The following ZEB2 variants were observed in gnomAD, a reference collection of about 807,000 sequenced individuals.
ZEB2 encodes zinc finger E-box binding homeobox 2, also known as zinc finger E-box-binding homeobox 2.
Under a neutral mutation model 99.9 loss-of-function variants are expected in ZEB2, and 6 were observed. That is an observed-to-expected ratio of 0.06 (90% confidence interval 0.03 to 0.12). The LOEUF (loss-of-function observed/expected upper bound fraction) is 0.12, where lower values mean the gene tolerates loss of function less well. Ranked by LOEUF, ZEB2 falls within the 10% of genes least tolerant of loss-of-function variation. The pLI is 1.00. For synonymous variants in ZEB2, 517 were observed against 542.5 expected (o/e 0.95, Z 0.65); for missense variants, 969 against 1,502.8 (o/e 0.64, Z 5.87).
intron 2 of ZEB2, 143 bp downstream of exon 2, chr2:144,517,135 G>C: frequency 1.2e-6 from 1 of 862,172 alleles, no homozygotes; most frequent in Non-Finnish European, 1.6e-6. Context: ...GGGCTCCGGC[G>C]CCGGCCGCGG....
chr2:144,444,280 C>T (rs987432811), intron 2 of ZEB2, among the ~76,000 whole-genome samples: 1 of 152,130 alleles, frequency 6.6e-6, no homozygotes, highest in African/African-American at 2.4e-5. Flanking sequence ...AAATCTGAGG[C>T]CCTTTAGAAT....
At position 144,465,990 on chromosome 2, in the gene ZEB2, G is replaced by C. The variant is rs376863411; in HGVS notation, c.74-35964C>G. Among the ~76,000 whole-genome samples the C allele has an allele frequency of 2.4e-4, 37 of 152,240 alleles. No homozygotes were observed. In the South Asian group the frequency reaches 7.7e-3, roughly 32 times the overall value. On this transcript the variant is annotated intron_variant, in intron 2 of 9. Transcript: ENST00000627532. ...CTGACAGCACTAACTCTCCAGGGCAGAACTTTCCAGTCAAGTGGATCAACG... is the reference window on the plus strand; with the variant it reads ...CTGACAGCACTAACTCTCCAGGGCACAACTTTCCAGTCAAGTGGATCAACG...
At chr2:144,437,807 G>T (rs1048843148) in intron 2 of ZEB2, among the ~76,000 whole-genome samples, 2 of 152,030 alleles carry the variant, frequency 1.3e-5, no homozygotes, top group Non-Finnish European at 2.9e-5. Context: ...CTCTGAAAAG[G>T]TTACACAACT....
At position 144,395,055 on chromosome 2, in the gene ZEB2, G is replaced by A. The variant is rs943666908; in HGVS notation, c.3067+1357C>T. Among the ~76,000 whole-genome samples the A allele has an allele frequency of 1.4e-4, 21 of 148,102 alleles. No homozygotes were observed. The South Asian group carries it at 4.3e-3, about 31-fold the overall frequency. ...CTGTTGCTCAGGCTGAGGTGCAGTG[G>A]CACAATCATGGCTCACTGCAGCATC... On this transcript the variant is annotated intron_variant, in intron 9 of 9. Transcript: ENST00000627532.
intron 4 of ZEB2, among the ~76,000 whole-genome samples, chr2:144,419,330 G>T (rs762600062): frequency 3.9e-4 from 59 of 152,226 alleles, no homozygotes; most frequent in Non-Finnish European, 8.4e-4. Context: ...ATTAAGAACT[G>T]ATGCCTAAAT....
chr2:144,477,931 G>A (rs911231360), intron 2 of ZEB2, among the ~76,000 whole-genome samples: 15 of 152,106 alleles, frequency 9.9e-5, no homozygotes, highest in Admixed American at 7.2e-4. Flanking sequence ...AGAATCTATT[G>A]CTTTTTTTTA....
At position 144,418,709 on chromosome 2, in the gene ZEB2, A is replaced by AC. The variant is rs1245513558; in HGVS notation, c.403+6086_403+6087insG. 8.7e-3 allele frequency among the ~76,000 whole-genome samples: 1,257 copies of AC among 144,094 alleles called. 7 individuals are homozygous for AC. Among genetic ancestry groups the AC allele is most frequent in the Admixed American group, 0.011 (157 of 14,622 alleles). The allele number at this position is 144,094 out of a possible 152,430, so 94.5% of individuals were successfully genotyped here. A position where few individuals can be genotyped will look rare whatever the true frequency, so the allele number is the denominator to read the frequency against. On this transcript the variant is annotated intron_variant, in intron 4 of 9. Transcript: ENST00000627532. ...ATCTCAAAAAAAAACAAACAAACAA[A>AC]AAAAAAAAAAAACTGGCAAAACAAA... is the stretch of plus-strand genomic sequence containing the variant.
At chr2:144,455,893 C>T (rs1439783499) in intron 2 of ZEB2, among the ~76,000 whole-genome samples, 1 of 152,026 alleles carries the variant, frequency 6.6e-6, no homozygotes, top group Non-Finnish European at 1.5e-5. Context: ...TATTAACCCC[C>T]AAGAAGTTAC....
In ZEB2 at chr2:144,471,162, AAAG is replaced by A. The variant is rs1406194518; in HGVS notation, c.74-41139_74-41137del. ...AGTGATTAAAATCCTTCCTGTTTAGAAAGAAGAAGAATATTTAGCGACAGGACA... is the reference window on the plus strand; with the variant it reads ...AGTGATTAAAATCCTTCCTGTTTAGAAAGAAGAATATTTAGCGACAGGACA... On this transcript the variant is annotated intron_variant, in intron 2 of 9. Coordinates refer to ENST00000627532, the MANE Select transcript of ZEB2 (RefSeq NM_014795.4). 5.3e-5 allele frequency among the ~76,000 whole-genome samples: 8 copies of A among 152,184 alleles called. No homozygotes were observed. The South Asian group carries it at 6.2e-4, about 12-fold the overall frequency.
intron 2 of ZEB2, chr2:144,463,410 T>C (rs536197129): frequency 2.0e-5 from 3 of 152,146 alleles, no homozygotes; most frequent in Non-Finnish European, 4.4e-5. Context: ...TTACCTATTC[T>C]CCGTCACATT....
chr2:144,470,637 A>G (rs1573778334), intron 2 of ZEB2: 1 of 152,176 alleles, frequency 6.6e-6, no homozygotes, highest in East Asian at 1.9e-4. Context: ...TATTAACCCT[A>G]TCACCACCGT....
chr2:144,519,252 C>T (rs1035472928), intron 1 of ZEB2: 1 of 152,072 alleles, frequency 6.6e-6, no homozygotes, highest in African/African-American at 2.4e-5. Flanking sequence ...CCCCCCCCTC[C>T]ACTTTGGTAA....
chr2:144,472,447 G>T (rs12052925), intron 2 of ZEB2, among the ~76,000 whole-genome samples: 3,365 of 152,090 alleles, frequency 0.022, 57 homozygotes, highest in Admixed American at 0.033. Flanking sequence ...ATTGAAGCGG[G>T]GTGTGATTGG....
intron 5 of ZEB2, 31 bp from the exon 6 acceptor site, chr2:144,404,161 C>T (rs776379098): frequency 1.8e-5 from 29 of 1,607,478 alleles, no homozygotes; most frequent in Non-Finnish European, 2.0e-5. Context: ...GAGAGAGAAG[C>T]GGGCCAAAAG....
chr2:144,488,691 G>GTGTA (rs1704633910), intron 2 of ZEB2, among the ~76,000 whole-genome samples: 1 of 151,802 alleles, frequency 6.6e-6, no homozygotes. Context: ...GTGTGTGTGT[G>GTGTA]TGTGTGTGTG....
At chr2:144,494,084 G>A (rs1474096563) in intron 2 of ZEB2, among the ~76,000 whole-genome samples, 1 of 148,430 alleles carries the variant, frequency 6.7e-6, no homozygotes, top group Non-Finnish European at 1.5e-5. Context: ...CCCGGGAGGC[G>A]GAGCTTGCAG....
chr2:144,470,549 G>A (rs908811776), intron 2 of ZEB2: 1 of 152,116 alleles, frequency 6.6e-6, no homozygotes, highest in Non-Finnish European at 1.5e-5. Context: ...CTGTAATATT[G>A]TCTCCAGAGG....
At chr2:144,476,030 T>C (rs1704425242) in intron 2 of ZEB2, among the ~76,000 whole-genome samples, 1 of 152,210 alleles carries the variant, frequency 6.6e-6, no homozygotes, top group Non-Finnish European at 1.5e-5. Flanking sequence ...AAACAGCCAG[T>C]GCAAACTGTT....
intron 2 of ZEB2, chr2:144,511,383 A>G: frequency 3.3e-6 from 4 of 1,201,750 alleles, no homozygotes; most frequent in Non-Finnish European, 3.2e-6. Flanking sequence ...AACACTACAG[A>G]ACACCTTAAA....
Sources: allele counts gnomAD v4.1 joint callset (sites outside exome capture counted in the v4.1 genomes callset), GRCh38; gene constraint gnomAD v4.1.1; transcripts MANE v1.5; gene names NCBI Gene and HGNC (gene_info 2026-07-23, HGNC 2026-07-21).